The following CNTN5 variants were observed in gnomAD, a reference collection of about 807,000 sequenced individuals.
The protein encoded by CNTN5 is contactin-5.
Under a neutral mutation model 129.1 loss-of-function variants are expected in CNTN5, and 77 were observed. The observed-to-expected ratio is 0.60, with a 90% CI of 0.50 to 0.72. CNTN5 has a LOEUF of 0.72. CNTN5 is among the 30% of genes least tolerant of loss of function. The pLI is 0.00. For missense variants in CNTN5, 1,478 were observed against 1,328.8 expected (o/e 1.11, Z -1.75); for synonymous variants, 509 against 465.6 (o/e 1.09, Z -1.20).
chr11:99,457,343 A>G (rs1944533884), intron 2 of CNTN5, among the ~76,000 whole-genome samples: 1 of 151,936 alleles, frequency 6.6e-6, no homozygotes, highest in Non-Finnish European at 1.5e-5. Flanking sequence ...AGAAATAGAT[A>G]TTATATTATG....
chr11:99,342,520 A>G, intron 2 of CNTN5, among the ~76,000 whole-genome samples: 1 of 131,534 alleles, frequency 7.6e-6, no homozygotes, highest in East Asian at 2.4e-4. Flanking sequence ...GGATCACTTG[A>G]GTCCAGGAGT....
intron 6 of CNTN5, among the ~76,000 whole-genome samples, chr11:99,908,657 T>C (rs1175930278): frequency 6.6e-6 from 1 of 152,124 alleles, no homozygotes; most frequent in Middle Eastern, 3.2e-3. Context: ...TACAACTTTT[T>C]CATTGTAGAT....
At chr11:100,147,038 C>T (rs951345580) in intron 13 of CNTN5, among the ~76,000 whole-genome samples, 1 of 152,076 alleles carries the variant, frequency 6.6e-6, no homozygotes, top group South Asian at 2.1e-4. Flanking sequence ...TAAACGTGAT[C>T]ATGTCTTTTA....
chr11:99,388,414 C>A (rs1177101257), intron 2 of CNTN5, among the ~76,000 whole-genome samples: 221 of 121,802 alleles, frequency 1.8e-3, no homozygotes, highest in East Asian at 5.2e-3. Flanking sequence ...AACCCGGTCT[C>A]AAAAAAAAAA....
chr11:99,321,943 A>G (rs1469947927), intron 1 of CNTN5, among the ~76,000 whole-genome samples: 1 of 152,156 alleles, frequency 6.6e-6, no homozygotes, highest in Non-Finnish European at 1.5e-5. Context: ...ACAATGGCTG[A>G]TGAAAGAGAC....
At chr11:99,652,706 C>T (rs1251849423) in intron 3 of CNTN5, among the ~76,000 whole-genome samples, 1 of 151,920 alleles carries the variant, frequency 6.6e-6, no homozygotes, top group Admixed American at 6.6e-5. Flanking sequence ...AGTTTGCAGT[C>T]GAAATACTAA....
rs1941498439 is a variant in CNTN5 at position 99,395,916 on chromosome 11, A to G, written c.-71+70432A>G. Among the ~76,000 whole-genome samples the G allele has an allele frequency of 2.0e-5, 3 of 151,772 alleles. No homozygotes were observed. In the South Asian group the frequency reaches 6.2e-4, roughly 31 times the overall value. On this transcript the variant is annotated intron_variant, in intron 2 of 24. Transcript: ENST00000524871. ...CATTGGTCTATGTGTCTGTTTTTGT[A>G]CCAGTACCATGCTGTTTTGGTTAAT...
At chr11:99,522,902 A>G (rs1947321988) in intron 2 of CNTN5, among the ~76,000 whole-genome samples, 1 of 152,096 alleles carries the variant, frequency 6.6e-6, no homozygotes, top group South Asian at 2.1e-4. Context: ...ATCCTTCCAA[A>G]CAAATTTGAT....
chr11:100,320,864 C>T (rs534071530), intron 21 of CNTN5, among the ~76,000 whole-genome samples: 2 of 152,136 alleles, frequency 1.3e-5, no homozygotes, highest in Middle Eastern at 3.4e-3. Context: ...ATCAATTGAT[C>T]ATAAATATGT....
intron 2 of CNTN5, among the ~76,000 whole-genome samples, chr11:99,459,923 C>A (rs1164669077): frequency 4.0e-5 from 6 of 151,548 alleles, no homozygotes; most frequent in African/African-American, 1.5e-4. Context: ...TGCCTTAAGT[C>A]ATAACAAAAA....
At position 99,701,254 on chromosome 11, in the gene CNTN5, A is replaced by G. The variant is rs1954506831; in HGVS notation, c.56-118290A>G. 2.0e-5 allele frequency among the ~76,000 whole-genome samples: 3 copies of G among 151,270 alleles called. No individual in the cohort carries two copies. The Admixed American group carries it at 2.0e-4, about 10-fold the overall frequency. On this transcript the variant is annotated intron_variant, in intron 3 of 24. Coordinates refer to ENST00000524871, the MANE Select transcript of CNTN5 (RefSeq NM_014361.4). ...TTCATAAGGAAATAGGGACTAGAGT[A>G]AAGTGTAAAGTGGAAGAGATGGAAC...
intron 1 of CNTN5, among the ~76,000 whole-genome samples, chr11:99,071,143 T>C (rs1486769258): frequency 6.6e-6 from 1 of 152,132 alleles, no homozygotes; most frequent in Non-Finnish European, 1.5e-5. Flanking sequence ...CCAAAGCCTA[T>C]AACTACTGCA....
chr11:99,791,470 T>A (rs1435916719), intron 3 of CNTN5, among the ~76,000 whole-genome samples: 1 of 152,072 alleles, frequency 6.6e-6, no homozygotes, highest in East Asian at 1.9e-4. Context: ...TGGCATTATT[T>A]TTGGTCTCTC....
At chr11:100,161,035 C>T (rs1467271828) in intron 13 of CNTN5, among the ~76,000 whole-genome samples, 1 of 151,896 alleles carries the variant, frequency 6.6e-6, no homozygotes, top group Non-Finnish European at 1.5e-5. Context: ...AGTCATACCT[C>T]ACAACAGACA....
intron 3 of CNTN5, among the ~76,000 whole-genome samples, chr11:99,655,038 G>A (rs759999545): frequency 8.6e-5 from 13 of 151,832 alleles, no homozygotes; most frequent in Non-Finnish European, 1.6e-4. Flanking sequence ...AGAGTGCTGC[G>A]TGAAGTCATG....
intron 2 of CNTN5, among the ~76,000 whole-genome samples, chr11:99,365,584 A>T (rs1427446416): frequency 6.6e-6 from 1 of 152,208 alleles, no homozygotes; most frequent in African/African-American, 2.4e-5. Flanking sequence ...ACAGTGTAAT[A>T]AATGCTCTCT....
chr11:99,378,425 C>T (rs1488438858), intron 2 of CNTN5, among the ~76,000 whole-genome samples: 1 of 152,078 alleles, frequency 6.6e-6, no homozygotes, highest in Admixed American at 6.6e-5. Context: ...GTCAGTATCA[C>T]TGTATATGTT....
chr11:99,924,522 T>TC (rs1335964419), intron 7 of CNTN5, among the ~76,000 whole-genome samples: 1 of 140,686 alleles, frequency 7.1e-6, no homozygotes, highest in Non-Finnish European at 1.6e-5. Flanking sequence ...TTTATTTTTG[T>TC]CATTTTTTTT....
intron 3 of CNTN5, among the ~76,000 whole-genome samples, chr11:99,720,504 G>A (rs1261037425): frequency 1.3e-5 from 2 of 151,936 alleles, no homozygotes; most frequent in Admixed American, 6.6e-5. Flanking sequence ...TTGAAAGAAC[G>A]TAACTCAAAA....
Sources: gnomAD v4.1 joint callset for allele counts (sites outside exome capture counted in the v4.1 genomes callset) on GRCh38, gnomAD v4.1.1 for gene constraint, MANE v1.5 for transcripts, NCBI Gene and HGNC (gene_info 2026-07-23, HGNC 2026-07-21) for gene names.